Variants in ARB2A observed in about 807,000 individuals in gnomAD.
ARB2A encodes the protein cotranscriptional regulator ARB2A.
At chr5:93,972,478 A>T in the ARB2A span, among the ~76,000 whole-genome samples, 2 of 152,048 alleles carry the variant, frequency 1.3e-5, no homozygotes, top group Non-Finnish European at 2.9e-5. Context: ...AAAAAAAAAA[A>T]AGAGAGAGAG....
chr5:93,964,338 C>T, the ARB2A span: 16,836 of 657,448 alleles, frequency 0.026, 259 homozygotes, highest in Non-Finnish European at 0.032. Context: ...CACAATAAAC[C>T]CTAACATTTA....
chr5:93,771,074 C>CCAAAACAGCATGGTACTGGTAT, the ARB2A span, among the ~76,000 whole-genome samples: 1 of 152,166 alleles, frequency 6.6e-6, no homozygotes, highest in Non-Finnish European at 1.5e-5. Context: ...GCTACACTAA[C>CCAAAACAGCATGGTACTGGTAT]CAAAACAGCA....
the ARB2A span, among the ~76,000 whole-genome samples, chr5:93,642,904 AGTT>A: frequency 1.3e-5 from 2 of 152,164 alleles, no homozygotes; most frequent in Non-Finnish European, 2.9e-5. Context: ...TATAGAGAAT[AGTT>A]GTTTTTTTAT....
At chr5:94,085,863 G>A in the ARB2A span, among the ~76,000 whole-genome samples, 2 of 152,256 alleles carry the variant, frequency 1.3e-5, no homozygotes, top group South Asian at 2.1e-4. Flanking sequence ...AAATACTAGC[G>A]AGGAAACCAA....
At chr5:94,060,911 T>A in the ARB2A span, among the ~76,000 whole-genome samples, 1 of 151,982 alleles carries the variant, frequency 6.6e-6, no homozygotes, top group Admixed American at 6.6e-5. Context: ...CATGACCCTA[T>A]CAACTGATGC....
chr5:93,657,923 A>G, the ARB2A span, among the ~76,000 whole-genome samples: 4 of 152,154 alleles, frequency 2.6e-5, no homozygotes, highest in African/African-American at 9.7e-5. Context: ...AACAACAGTA[A>G]CCAAATTTGC....
the ARB2A span, among the ~76,000 whole-genome samples, chr5:93,654,109 A>T: frequency 3.3e-5 from 5 of 152,226 alleles, no homozygotes; most frequent in African/African-American, 1.2e-4. Context: ...AAGAGCTTAT[A>T]ATCTAGTGCT....
chr5:93,623,506 C>CT, the ARB2A span, among the ~76,000 whole-genome samples: 1 of 152,298 alleles, frequency 6.6e-6, no homozygotes, highest in East Asian at 1.9e-4. Context: ...TTTATTTCTT[C>CT]TTTACGGGTA....
the ARB2A span, among the ~76,000 whole-genome samples, chr5:94,028,726 C>T: frequency 6.6e-6 from 1 of 152,026 alleles, no homozygotes; most frequent in South Asian, 2.1e-4. Flanking sequence ...ACATTTTTGC[C>T]AAAAATGCTT....
the ARB2A span, among the ~76,000 whole-genome samples, chr5:93,889,799 T>C: frequency 2.8e-5 from 3 of 108,980 alleles, no homozygotes; most frequent in Admixed American, 3.3e-4. Flanking sequence ...TACATTATAA[T>C]ATGCATATTC....
chr5:93,954,905 C>A, the ARB2A span, among the ~76,000 whole-genome samples: 1 of 152,088 alleles, frequency 6.6e-6, no homozygotes, highest in African/African-American at 2.4e-5. Context: ...CTGAGATCTG[C>A]CTGGTGTTGC....
the ARB2A span, among the ~76,000 whole-genome samples, chr5:94,007,774 C>CAA: frequency 1.3e-4 from 11 of 83,434 alleles, no homozygotes; most frequent in Non-Finnish European, 1.5e-4. Flanking sequence ...GACTCTGTCT[C>CAA]AAAAAAAAAA....
the ARB2A span, among the ~76,000 whole-genome samples, chr5:93,629,735 C>T: frequency 6.6e-6 from 1 of 152,026 alleles, no homozygotes; most frequent in East Asian, 1.9e-4. Flanking sequence ...TTGTAAATTA[C>T]TATGATAAAG....
the ARB2A span, among the ~76,000 whole-genome samples, chr5:93,959,342 C>A: frequency 6.6e-6 from 1 of 151,962 alleles, no homozygotes; most frequent in African/African-American, 2.4e-5. Flanking sequence ...AATAACAACC[C>A]ATTTAGGTGG....
the ARB2A span, among the ~76,000 whole-genome samples, chr5:93,937,279 G>A: frequency 1.3e-5 from 2 of 151,744 alleles, no homozygotes; most frequent in Admixed American, 6.6e-5. Flanking sequence ...CTGTGTGGGT[G>A]GGGGGAGGAG....
At chr5:94,050,688 T>TA in the ARB2A span, 980 of 1,443,248 alleles carry the variant, frequency 6.8e-4, 14 homozygotes, top group East Asian at 0.018. Flanking sequence ...TCTGAATATT[T>TA]AAAATTGGGA....
chr5:94,109,800 G>C, the ARB2A span, among the ~76,000 whole-genome samples: 1 of 151,732 alleles, frequency 6.6e-6, no homozygotes, highest in Non-Finnish European at 1.5e-5. Context: ...CCTTATCAGA[G>C]AGGGTGAGCT....
the ARB2A span, among the ~76,000 whole-genome samples, chr5:93,867,930 G>A: frequency 4.0e-5 from 6 of 151,846 alleles, no homozygotes; most frequent in Non-Finnish European, 8.8e-5. Flanking sequence ...ATTACATAAG[G>A]TAGAACTGAT....
At chr5:93,751,357 T>C in the ARB2A span, among the ~76,000 whole-genome samples, 1 of 152,216 alleles carries the variant, frequency 6.6e-6, no homozygotes, top group South Asian at 2.1e-4. Context: ...CTGAAGGGGA[T>C]ATTAAACAGA....
Sources: allele counts gnomAD v4.1 joint callset (sites outside exome capture counted in the v4.1 genomes callset), GRCh38; gene constraint gnomAD v4.1.1; transcripts MANE v1.5; gene names NCBI Gene and HGNC (gene_info 2026-07-23, HGNC 2026-07-21).